Variants in FAM120B observed in about 807,000 individuals in gnomAD.
FAM120B encodes constitutive coactivator of peroxisome proliferator-activated receptor gamma.
FAM120B carries 83 observed loss-of-function variants against 96.3 expected under a neutral mutation model. That is an observed-to-expected ratio of 0.86 (90% CI 0.72 to 1.03). FAM120B has a LOEUF of 1.03. Ranked by LOEUF, FAM120B falls within the 50% of genes least tolerant of loss-of-function variation. The pLI is 0.00. For synonymous variants in FAM120B, 407 were observed against 402.7 expected, an observed-to-expected ratio of 1.01 and a Z score of -0.13; for missense variants, 1,027 against 1,121.2, an observed-to-expected ratio of 0.92 and a Z score of 1.20.
At chr6:170,384,468 C>T (rs934163471) in intron 6 of FAM120B, among the ~76,000 whole-genome samples, 10 of 152,188 alleles carry the variant, frequency 6.6e-5, no homozygotes, top group Non-Finnish European at 1.2e-4. Flanking sequence ...AAAGCTGTTC[C>T]GTGCAGCTGC....
chr6:170,399,001 C>T (rs1322713723), intron 9 of FAM120B, among the ~76,000 whole-genome samples: 2 of 150,074 alleles, frequency 1.3e-5, no homozygotes, highest in Non-Finnish European at 3.0e-5. Flanking sequence ...TATGTCATAA[C>T]TCTTAGGAGT....
chr6:170,404,424 G>A, intron 9 of FAM120B, 126 bp from the exon 10 acceptor site: 1 of 765,868 alleles, frequency 1.3e-6, no homozygotes, highest in Non-Finnish European at 2.2e-6. Flanking sequence ...ACTGTAAAGA[G>A]GATAAAGCTG....
chr6:170,382,736 T>A (rs1322118865), intron 6 of FAM120B, among the ~76,000 whole-genome samples: 1 of 152,172 alleles, frequency 6.6e-6, no homozygotes, highest in Non-Finnish European at 1.5e-5. Context: ...GATGTACAGG[T>A]TTGATGTACT....
intron 6 of FAM120B, among the ~76,000 whole-genome samples, chr6:170,386,957 A>G (rs998306148): frequency 3.9e-5 from 6 of 152,252 alleles, no homozygotes; most frequent in Non-Finnish European, 2.9e-5. Flanking sequence ...ACCATTGTAA[A>G]TAACAATGAA....
chr6:170,347,315 C>A (rs1787257844), intron 4 of FAM120B, among the ~76,000 whole-genome samples: 1 of 152,176 alleles, frequency 6.6e-6, no homozygotes, highest in South Asian at 2.1e-4. Context: ...GGGAGGACAT[C>A]TCAGCAGTCA....
At chr6:170,397,250 G>A (rs561365349) in intron 9 of FAM120B, among the ~76,000 whole-genome samples, 4 of 152,350 alleles carry the variant, frequency 2.6e-5, no homozygotes, top group East Asian at 1.9e-4. Context: ...GAAGGTGAGC[G>A]TGTGCAGAGC....
intron 1 of FAM120B, among the ~76,000 whole-genome samples, chr6:170,309,623 G>A (rs1270533567): frequency 6.6e-6 from 1 of 152,164 alleles, no homozygotes; most frequent in Non-Finnish European, 1.5e-5. Context: ...CTATAAAAGT[G>A]GGCAGTGTTA....
intron 9 of FAM120B, among the ~76,000 whole-genome samples, chr6:170,400,083 A>G (rs1355700609): frequency 1.3e-5 from 2 of 151,402 alleles, no homozygotes; most frequent in African/African-American, 2.4e-5. Context: ...GAACTATGTC[A>G]TAAGCCTTAG....
At chr6:170,352,967 T>C (rs915001002) in intron 5 of FAM120B, among the ~76,000 whole-genome samples, 6 of 151,536 alleles carry the variant, frequency 4.0e-5, no homozygotes, top group African/African-American at 1.4e-4. Context: ...TTTTTTTAAA[T>C]TAATAGACCA....
At chr6:170,404,653 A>T (rs1778740949) in intron 10 of FAM120B, 52 bp downstream of exon 10, 1 of 1,363,428 alleles carries the variant, frequency 7.3e-7, no homozygotes, top group South Asian at 1.2e-5. Context: ...GTCTGTCTTA[A>T]TAACATAAAT....
At chr6:170,340,944 C>G (rs1382653714) in intron 4 of FAM120B, among the ~76,000 whole-genome samples, 1 of 152,208 alleles carries the variant, frequency 6.6e-6, no homozygotes, top group African/African-American at 2.4e-5. Flanking sequence ...GAGGTCTCTC[C>G]CAGTCAGGAG....
intron 6 of FAM120B, among the ~76,000 whole-genome samples, chr6:170,387,715 C>T (rs976753420): frequency 1.3e-5 from 2 of 152,200 alleles, no homozygotes; most frequent in African/African-American, 4.8e-5. Context: ...CCATTTTATT[C>T]TTAAATGATA....
chr6:170,345,578 T>G (rs534172372), intron 4 of FAM120B, among the ~76,000 whole-genome samples: 6 of 152,370 alleles, frequency 3.9e-5, no homozygotes, highest in African/African-American at 1.4e-4. Context: ...GCACCTAGAA[T>G]TGTATGTATC....
intron 8 of FAM120B, among the ~76,000 whole-genome samples, chr6:170,392,370 G>C (rs1342300138): frequency 6.6e-6 from 1 of 152,082 alleles, no homozygotes; most frequent in Non-Finnish European, 1.5e-5. Flanking sequence ...ACCACGCCCG[G>C]CTAATTTTTG....
intron 4 of FAM120B, among the ~76,000 whole-genome samples, chr6:170,344,766 T>G (rs905297659): frequency 6.6e-6 from 1 of 152,200 alleles, no homozygotes; most frequent in Admixed American, 6.5e-5. Flanking sequence ...CCAGTCAGCT[T>G]CCCACTGCTG....
chr6:170,302,842 C>A (rs1295033008), upstream of FAM120B, among the ~76,000 whole-genome samples: 2 of 152,196 alleles, frequency 1.3e-5, no homozygotes, highest in Non-Finnish European at 2.9e-5. Flanking sequence ...GTGGATAATC[C>A]TACGTAACTC....
intron 6 of FAM120B, among the ~76,000 whole-genome samples, chr6:170,377,818 G>A (rs1448656875): frequency 7.0e-6 from 1 of 142,524 alleles, no homozygotes; most frequent in Non-Finnish European, 1.5e-5. Flanking sequence ...GGCTCACGCT[G>A]CTCGGTGCTG....
intron 6 of FAM120B, among the ~76,000 whole-genome samples, chr6:170,377,807 A>G (rs1431649642): frequency 1.1e-5 from 1 of 91,766 alleles, no homozygotes; most frequent in Non-Finnish European, 2.1e-5. Flanking sequence ...GGGAGAACAC[A>G]GGCTCACGCT....
At chr6:170,319,783 G>A (rs1388121679) in intron 2 of FAM120B, among the ~76,000 whole-genome samples, 1 of 152,266 alleles carries the variant, frequency 6.6e-6, no homozygotes, top group East Asian at 1.9e-4. Context: ...AAGTACTAAA[G>A]GTGTAGCGTT....
Sources: allele counts gnomAD v4.1 joint callset (sites outside exome capture counted in the v4.1 genomes callset), GRCh38; gene constraint gnomAD v4.1.1; transcripts MANE v1.5; gene names NCBI Gene and HGNC (gene_info 2026-07-23, HGNC 2026-07-21).